CBFB: variants seen among roughly 807,000 people sequenced by gnomAD.
CBFB encodes the protein core-binding factor subunit beta.
Under a neutral mutation model 30.4 loss-of-function variants are expected in CBFB, and 9 were observed. The ratio of observed to expected loss-of-function variants is 0.30; its 90% confidence interval spans 0.18 to 0.52. The LOEUF is 0.52. CBFB is among the 20% of genes least tolerant of loss of function. The pLI is 0.97. For synonymous variants in CBFB, 94 were observed against 84.0 expected (o/e 1.12, Z -0.65); for missense variants, 170 against 244.0 (o/e 0.70, Z 2.02).
intron 2 of CBFB, among the ~76,000 whole-genome samples, chr16:67,035,274 AGGGTTT>A (rs1395111183): frequency 6.6e-6 from 1 of 152,000 alleles, no homozygotes; most frequent in Non-Finnish European, 1.5e-5. Flanking sequence ...TAGTAGAGAC[AGGGTTT>A]CACCATGTTG....
Position 67,055,389 on chromosome 16 carries a change from C to T in CBFB, c.283-11293C>T, listed in dbSNP as rs544193641. 3.0e-4 allele frequency among the ~76,000 whole-genome samples: 24 copies of T among 80,158 alleles called. No homozygotes were observed. In the Admixed American group the frequency reaches 3.5e-3, roughly 12 times the overall value. The allele number at this position is 80,158 out of a possible 152,430, so 52.6% of individuals were successfully genotyped here. A position where few individuals can be genotyped will look rare whatever the true frequency, so the allele number is the denominator to read the frequency against. On this transcript the variant is annotated intron_variant, in intron 3 of 5. Coordinates refer to ENST00000412916, the MANE Select transcript of CBFB (RefSeq NM_022845.3). ...TTTTTTTTTTTTTTTTTTTTTGAGA[C>T]GGAGTCTCGCTCTGTCGCCCAGGCT...
At chr16:67,077,559 A>G (rs996253352) in intron 4 of CBFB, among the ~76,000 whole-genome samples, 5 of 152,144 alleles carry the variant, frequency 3.3e-5, no homozygotes, top group African/African-American at 4.8e-5. Flanking sequence ...AGATTTATTT[A>G]TTTTGGTTTT....
At chr16:67,059,957 ATTCT>A (rs71378423) in intron 3 of CBFB, among the ~76,000 whole-genome samples, 15,189 of 149,982 alleles carry the variant, frequency 0.1, 1,071 homozygotes, top group African/African-American at 0.23. Context: ...CAAACTTTTA[ATTCT>A]TTCTTTCTTT....
intron 3 of CBFB, among the ~76,000 whole-genome samples, chr16:67,049,916 A>G (rs912901764): frequency 6.6e-6 from 1 of 152,054 alleles, no homozygotes; most frequent in Non-Finnish European, 1.5e-5. Flanking sequence ...GCTTGATTTT[A>G]CAGCTGAGGA....
rs1962151308 is a variant in CBFB, at chr16:67,099,362, A to C, written c.*584A>C. 9.0e-6 allele frequency: 2 copies of C among 223,042 alleles called. No homozygotes were observed. Among genetic ancestry groups the C allele is most frequent in the Admixed American group, 5.8e-5 (1 of 17,362 alleles). The allele number at this position is 223,042 out of a possible 1,614,324, so 13.8% of individuals were successfully genotyped here. A position where few individuals can be genotyped will look rare whatever the true frequency, so the allele number is the denominator to read the frequency against. On this transcript the variant is annotated 3_prime_UTR_variant, in exon 6 of 6. Transcript: ENST00000412916. ...GCTGTCTGCCACAGCCTTCTGACAAAGTTTACAGTTATTAAAGTTGCAGTA... is the reference window on the plus strand; with the variant it reads ...GCTGTCTGCCACAGCCTTCTGACAACGTTTACAGTTATTAAAGTTGCAGTA...
intron 3 of CBFB, among the ~76,000 whole-genome samples, chr16:67,042,763 G>A (rs11862734): frequency 0.027 from 4,033 of 151,980 alleles, 178 homozygotes; most frequent in African/African-American, 0.091. Flanking sequence ...TTTGAGACGG[G>A]GTCTTGCTCT....
intron 5 of CBFB, among the ~76,000 whole-genome samples, chr16:67,086,581 C>A (rs1053991775): frequency 3.7e-4 from 57 of 152,264 alleles, no homozygotes; most frequent in African/African-American, 1.3e-3. Context: ...AGCCCCTATC[C>A]TGCCTGTCTG....
chr16:67,033,051 T>A (rs1966380008), intron 2 of CBFB, among the ~76,000 whole-genome samples: 1 of 152,170 alleles, frequency 6.6e-6, no homozygotes, highest in African/African-American at 2.4e-5. Context: ...ATTTTTGTAT[T>A]TTTAGTAGAG....
intron 3 of CBFB, among the ~76,000 whole-genome samples, chr16:67,049,578 T>C (rs959729871): frequency 3.3e-5 from 5 of 152,118 alleles, no homozygotes; most frequent in African/African-American, 1.2e-4. Flanking sequence ...CACTGCAGCT[T>C]CAACCTCCCA....
At chr16:67,085,239 G>A (rs923240815) in intron 5 of CBFB, among the ~76,000 whole-genome samples, 1 of 150,444 alleles carries the variant, frequency 6.6e-6, no homozygotes, top group Non-Finnish European at 1.5e-5. Context: ...GCACAATGTC[G>A]GCTCACCGCA....
chr16:67,038,297 T>C (rs781450284), intron 3 of CBFB, among the ~76,000 whole-genome samples: 13 of 151,252 alleles, frequency 8.6e-5, no homozygotes, highest in Admixed American at 2.0e-4. Flanking sequence ...TATATATATA[T>C]ACACGTATAT....
At chr16:67,087,193 CAATT>C (rs767234058) in intron 5 of CBFB, among the ~76,000 whole-genome samples, 7 of 152,162 alleles carry the variant, frequency 4.6e-5, no homozygotes, top group African/African-American at 7.2e-5. Context: ...AACTATTTGA[CAATT>C]AATGGAACAA....
chr16:67,082,727 A>G (rs1464028256), intron 5 of CBFB, among the ~76,000 whole-genome samples: 1 of 152,174 alleles, frequency 6.6e-6, no homozygotes, highest in Non-Finnish European at 1.5e-5. Context: ...TTTTATAACT[A>G]TAATTGTCAG....
intron 5 of CBFB, among the ~76,000 whole-genome samples, chr16:67,091,720 T>TA (rs1411091599): frequency 1.3e-5 from 2 of 152,254 alleles, no homozygotes; most frequent in Admixed American, 6.5e-5. Flanking sequence ...GACTTTTTTT[T>TA]ACCCTTTTTA....
chr16:67,080,398 A>G (rs985337600), intron 4 of CBFB, among the ~76,000 whole-genome samples: 1 of 152,144 alleles, frequency 6.6e-6, no homozygotes, highest in Non-Finnish European at 1.5e-5. Flanking sequence ...TAGGACATCA[A>G]GTGGGTAGGA....
At chr16:67,083,570 T>C (rs1309070412) in intron 5 of CBFB, among the ~76,000 whole-genome samples, 2 of 152,184 alleles carry the variant, frequency 1.3e-5, no homozygotes, top group Non-Finnish European at 2.9e-5. Context: ...CTTGGATTGA[T>C]TACAGGCGTG....
At chr16:67,038,363 C>T (rs960721705) in intron 3 of CBFB, among the ~76,000 whole-genome samples, 14 of 149,702 alleles carry the variant, frequency 9.4e-5, no homozygotes, top group African/African-American at 1.5e-4. Context: ...TGTGTATATA[C>T]GTATATGTGT....
chr16:67,068,790 T>TA (rs1458836875), intron 4 of CBFB, among the ~76,000 whole-genome samples: 1 of 152,218 alleles, frequency 6.6e-6, no homozygotes, highest in East Asian at 1.9e-4. Flanking sequence ...AAGTAGTTGT[T>TA]ATAAATATAC....
chr16:67,070,686 C>T (rs74920202), intron 4 of CBFB, among the ~76,000 whole-genome samples: 4,350 of 149,448 alleles, frequency 0.029, 96 homozygotes, highest in Non-Finnish European at 0.044. Context: ...CCTGTCTCTA[C>T]CAAAAAAAAA....
Sources: gnomAD v4.1 joint callset for allele counts (sites outside exome capture counted in the v4.1 genomes callset) on GRCh38, gnomAD v4.1.1 for gene constraint, MANE v1.5 for transcripts, NCBI Gene and HGNC (gene_info 2026-07-23, HGNC 2026-07-21) for gene names.